DLEC1: variants seen among roughly 807,000 people sequenced by gnomAD.
The protein encoded by DLEC1 is deleted in lung and esophageal cancer protein 1.
DLEC1 carries 146 observed loss-of-function variants against 198.1 expected under a neutral mutation model. The ratio of observed to expected loss-of-function variants is 0.74; its 90% CI spans 0.64 to 0.85. DLEC1 has a LOEUF of 0.85. DLEC1 is among the 40% of genes least tolerant of loss of function. DLEC1 has a pLI of 0.00. For synonymous variants in DLEC1, 897 were observed against 866.8 expected (o/e 1.03, Z -0.61); for missense variants, 2,233 against 2,220.0 (o/e 1.01, Z -0.12).
intron 1 of DLEC1, among the ~76,000 whole-genome samples, chr3:38,041,850 A>C (rs931387550): frequency 1.3e-5 from 2 of 149,926 alleles, no homozygotes; most frequent in African/African-American, 4.9e-5. Flanking sequence ...TCCGTTTCAA[A>C]AAAAAAAAAA....
At chr3:38,121,142 G>C (rs1038826641) in intron 34 of DLEC1, among the ~76,000 whole-genome samples, 1 of 152,216 alleles carries the variant, frequency 6.6e-6, no homozygotes, top group African/African-American at 2.4e-5. Flanking sequence ...GTGGAGCCGA[G>C]GCGCTCTAGC....
At chr3:38,084,324 GTAGTAATGGTAGCAATGA>G (rs1698239065) in intron 7 of DLEC1, 79 bp downstream of exon 7, 6 of 1,241,540 alleles carry the variant, frequency 4.8e-6, no homozygotes, top group Admixed American at 3.6e-5. Flanking sequence ...AGTAGTGGTG[GTAGTAATGGTAGCAATGA>G]TAGTAGTAGT....
intron 9 of DLEC1, 139 bp downstream of exon 9, chr3:38,086,516 C>T: frequency 8.5e-7 from 1 of 1,171,184 alleles, no homozygotes; most frequent in Non-Finnish European, 1.2e-6. Flanking sequence ...GCAACTGCCA[C>T]AACCCGAATG....
intron 1 of DLEC1, among the ~76,000 whole-genome samples, chr3:38,043,663 C>G (rs1700755121): frequency 6.6e-6 from 1 of 152,192 alleles, no homozygotes; most frequent in Non-Finnish European, 1.5e-5. Flanking sequence ...ATATCTGATT[C>G]ATTTCCCCAA....
At chr3:38,115,115 G>C (rs1700085202) in intron 27 of DLEC1, 62 bp downstream of exon 27, 1 of 1,591,532 alleles carries the variant, frequency 6.3e-7, no homozygotes. Context: ...GGTGAGCCAG[G>C]CTGGGAGGGA....
intron 6 of DLEC1, among the ~76,000 whole-genome samples, chr3:38,075,338 G>A (rs1375236201): frequency 6.6e-6 from 1 of 152,190 alleles, no homozygotes; most frequent in African/African-American, 2.4e-5. Flanking sequence ...TGGAGAAATT[G>A]AAAGTGCCAT....
chr3:38,050,729 T>C (rs1262707155), intron 2 of DLEC1, among the ~76,000 whole-genome samples: 2 of 152,216 alleles, frequency 1.3e-5, no homozygotes, highest in East Asian at 3.8e-4. Flanking sequence ...TCCTAAACTA[T>C]AGCAGATGGC....
chr3:38,086,598 C>T (rs17037369), intron 9 of DLEC1, among the ~76,000 whole-genome samples: 18,585 of 152,166 alleles, frequency 0.12, 1,567 homozygotes, highest in African/African-American at 0.23. Context: ...GCTGGGCAAG[C>T]GGTATCACCT....
At position 38,110,204 on chromosome 3, in the gene DLEC1, C is replaced by T; in HGVS notation, c.3366C>T (p.Ser1122=). 1 of 1,614,208 alleles carries T rather than the reference C, an allele frequency of 6.2e-7. No individual in the cohort carries two copies. Among genetic ancestry groups the T allele is most frequent in the Non-Finnish European group, 8.5e-7 (1 of 1,180,040 alleles). ...GCCAGCTCATTCTCACCAATCGCTC[C>T]CCAATACGGACCCGTTTCTCCCTCA... ...VTRQLILTNR[S]PIRTRFSLKF... is the part of the protein sequence containing the mutation. The change falls in exon 23 of 37, where the codon TCC becomes TCT. Residue 1122 remains serine (S), a synonymous_variant. Coordinates refer to ENST00000308059, the MANE Select transcript of DLEC1 (RefSeq NM_007335.4).
chr3:38,085,871 G>A (rs1698428989), intron 8 of DLEC1, among the ~76,000 whole-genome samples: 1 of 152,158 alleles, frequency 6.6e-6, no homozygotes, highest in South Asian at 2.1e-4. Context: ...GGCTCCCTCA[G>A]CGACAAGCTT....
intron 13 of DLEC1, 53 bp downstream of exon 13, chr3:38,095,124 C>A (rs1213374719): frequency 1.3e-6 from 2 of 1,588,098 alleles, no homozygotes; most frequent in Non-Finnish European, 8.6e-7. Context: ...TGTATTTAGA[C>A]CCCCCACCTG....
rs751455053 is a variant in DLEC1, at chr3:38,041,847, CAAAAAAAAA to C, written c.411+2222_411+2230del. Among the ~76,000 whole-genome samples the C allele has an allele frequency of 6.0e-4, 43 of 71,704 alleles. 1 individual carries two copies. The highest frequency in any genetic ancestry group is 4.1e-3 in the Admixed American group (26 of 6,380). The allele number at this position is 71,704 out of a possible 152,430, so 47.0% of individuals were successfully genotyped here. A position where few individuals can be genotyped will look rare whatever the true frequency, so the allele number is the denominator to read the frequency against. ...TGGGCGACAGAACGAGACTCCGTTT[CAAAAAAAAA>C]AAAAAAAAAAGAAATACAACTATGC... On this transcript the variant is annotated intron_variant, in intron 1 of 36. Coordinates refer to ENST00000308059, the MANE Select transcript of DLEC1 (RefSeq NM_007335.4).
intron 13 of DLEC1, chr3:38,095,604 G>T: frequency 2.3e-6 from 1 of 438,682 alleles, no homozygotes; most frequent in South Asian, 3.0e-5. Flanking sequence ...GGGAGGGTGT[G>T]GTGCTTCGGA....
chr3:38,042,093 A>C (rs1055074717), intron 1 of DLEC1, among the ~76,000 whole-genome samples: 16 of 151,770 alleles, frequency 1.1e-4, no homozygotes, highest in Non-Finnish European at 2.1e-4. Context: ...CCTGGGTTCA[A>C]GCGATTCTCC....
chr3:38,042,682 A>G (rs1372721006), intron 1 of DLEC1, among the ~76,000 whole-genome samples: 2 of 150,860 alleles, frequency 1.3e-5, no homozygotes, highest in Non-Finnish European at 2.9e-5. Context: ...CAGCCTCCCA[A>G]GTAGCTGGGA....
At chr3:38,070,744 C>T (rs1697271511) in intron 6 of DLEC1, among the ~76,000 whole-genome samples, 1 of 152,138 alleles carries the variant, frequency 6.6e-6, no homozygotes, top group Non-Finnish European at 1.5e-5. Flanking sequence ...AAAGGACTTT[C>T]ACAAGGTAAT....
In DLEC1 at chr3:38,122,923, G is replaced by C. The variant is rs1700565079; in HGVS notation, c.*511G>C. The C allele has an allele frequency of 9.8e-7, 1 of 1,017,984 alleles. No individual in the cohort carries two copies. Among genetic ancestry groups the C allele is most frequent in the African/African-American group, 1.6e-5 (1 of 63,000 alleles). 63.1% of individuals were successfully genotyped at this position (1,017,984 alleles called of 1,614,324 possible). On this transcript the variant is annotated 3_prime_UTR_variant, in exon 37 of 37. Coordinates refer to ENST00000308059, the MANE Select transcript of DLEC1 (RefSeq NM_007335.4). ...TTTTCCAAATGAGTTGAAGTGCCTTGATCTGTCCACTGCCACCACCACCAG... is the reference window on the plus strand; with the variant it reads ...TTTTCCAAATGAGTTGAAGTGCCTTCATCTGTCCACTGCCACCACCACCAG...
At position 38,062,346 on chromosome 3, in the gene DLEC1, A is replaced by C; in HGVS notation, c.851A>C (p.Glu284Ala). The C allele has an allele frequency of 6.2e-7, 1 of 1,614,230 alleles. No individual in the cohort carries two copies. Among genetic ancestry groups the C allele is most frequent in the Non-Finnish European group, 8.5e-7 (1 of 1,180,050 alleles). ...LTWNLTPKAKERTREPLKKAS... is the reference protein window; with the variant it reads ...LTWNLTPKAKARTREPLKKAS... ...TGGAATTTAACTCCTAAGGCCAAAG[A>C]AAGGACCAGAGAACCTCTCAAGGTC... Residue 284 changes from glutamate (E) to alanine (A), a missense_variant, in exon 4 of 37, where the codon GAA becomes GCA. By Grantham distance (107) the Glu-to-Ala change is moderately radical. Coordinates refer to ENST00000308059, the MANE Select transcript of DLEC1 (RefSeq NM_007335.4).
chr3:38,086,856 C>A (rs959002148), intron 9 of DLEC1, among the ~76,000 whole-genome samples: 1 of 152,084 alleles, frequency 6.6e-6, no homozygotes, highest in African/African-American at 2.4e-5. Context: ...AGGCAGATTA[C>A]CTGAGGTCAG....
Sources: gnomAD v4.1 joint callset for allele counts (sites outside exome capture counted in the v4.1 genomes callset) on GRCh38, gnomAD v4.1.1 for gene constraint, MANE v1.5 for transcripts, NCBI Gene and HGNC (gene_info 2026-07-23, HGNC 2026-07-21) for gene names.